Variants in PAK5 observed in about 807,000 individuals in gnomAD.
PAK5 encodes the protein serine/threonine-protein kinase PAK 5.
Under a neutral mutation model 65.9 loss-of-function variants are expected in PAK5, and 16 were observed. That is an observed-to-expected ratio of 0.24 (90% CI 0.16 to 0.37). The LOEUF is 0.37. PAK5 is among the 10% of genes least tolerant of loss of function. The pLI is 1.00. For missense variants in PAK5, 785 were observed against 903.9 expected, an observed-to-expected ratio of 0.87 and a Z score of 1.69; for synonymous variants, 371 against 354.9, an observed-to-expected ratio of 1.05 and a Z score of -0.51.
intron 3 of PAK5, among the ~76,000 whole-genome samples, chr20:9,638,819 G>A (rs1459735578): frequency 6.6e-6 from 1 of 152,098 alleles, no homozygotes; most frequent in Non-Finnish European, 1.5e-5. Flanking sequence ...AGTGTTGGTG[G>A]CAACGGCAGA....
chr20:9,769,370 T>C (rs2048808053), intron 1 of PAK5, among the ~76,000 whole-genome samples: 1 of 152,238 alleles, frequency 6.6e-6, no homozygotes, highest in Non-Finnish European at 1.5e-5. Flanking sequence ...GTTCTAATAG[T>C]TCCTCTACAT....
At chr20:9,761,090 G>T (rs979472906) in intron 1 of PAK5, among the ~76,000 whole-genome samples, 1 of 152,172 alleles carries the variant, frequency 6.6e-6, no homozygotes, top group East Asian at 1.9e-4. Flanking sequence ...AAATATGTTT[G>T]ACTCTAATAC....
At chr20:9,578,249 G>T (rs1246911398) in intron 4 of PAK5, among the ~76,000 whole-genome samples, 1 of 152,168 alleles carries the variant, frequency 6.6e-6, no homozygotes, top group Non-Finnish European at 1.5e-5. Context: ...AGTGTGCAGG[G>T]ATTGCTGGTG....
At chr20:9,558,722 C>T (rs1160094485) in intron 6 of PAK5, among the ~76,000 whole-genome samples, 1 of 152,164 alleles carries the variant, frequency 6.6e-6, no homozygotes, top group Non-Finnish European at 1.5e-5. Flanking sequence ...CAGGTCCCTT[C>T]TCTCAAAAGG....
chr20:9,678,621 G>A (rs1253980632), intron 2 of PAK5, among the ~76,000 whole-genome samples: 2 of 152,042 alleles, frequency 1.3e-5, no homozygotes, highest in Non-Finnish European at 2.9e-5. Flanking sequence ...ATAAAGAAAA[G>A]AGGTTTAATT....
At chr20:9,816,267 T>C (rs2049355532) in intron 1 of PAK5, among the ~76,000 whole-genome samples, 1 of 152,196 alleles carries the variant, frequency 6.6e-6, no homozygotes, top group Non-Finnish European at 1.5e-5. Flanking sequence ...GGAATTACAA[T>C]TGTACTAACT....
At chr20:9,564,768 G>T (rs937769715) in intron 5 of PAK5, among the ~76,000 whole-genome samples, 1 of 152,014 alleles carries the variant, frequency 6.6e-6, no homozygotes, top group African/African-American at 2.4e-5. Context: ...TGACAAATTG[G>T]AAACAGTATA....
intron 3 of PAK5, among the ~76,000 whole-genome samples, chr20:9,641,842 C>A (rs1360189936): frequency 1.3e-5 from 2 of 152,170 alleles, no homozygotes; most frequent in East Asian, 3.9e-4. Flanking sequence ...GTGCTAAGTT[C>A]CCCATTGCCC....
At chr20:9,676,437 A>G (rs1384902330) in intron 2 of PAK5, among the ~76,000 whole-genome samples, 2 of 152,224 alleles carry the variant, frequency 1.3e-5, no homozygotes, top group South Asian at 2.1e-4. Flanking sequence ...ATAAACTACA[A>G]TTACAATTTC....
chr20:9,747,040 G>A (rs1282636754), intron 1 of PAK5, among the ~76,000 whole-genome samples: 1 of 152,164 alleles, frequency 6.6e-6, no homozygotes, highest in Non-Finnish European at 1.5e-5. Context: ...ATTACCATCA[G>A]AGAATACTAC....
chr20:9,662,494 C>T (rs562853289), intron 2 of PAK5, among the ~76,000 whole-genome samples: 2 of 152,240 alleles, frequency 1.3e-5, no homozygotes, highest in South Asian at 4.2e-4. Flanking sequence ...GTGACTTATC[C>T]TGGCCAATAG....
chr20:9,626,257 GAAAAAGAAA>G (rs2046842166), intron 3 of PAK5, among the ~76,000 whole-genome samples: 1 of 151,416 alleles, frequency 6.6e-6, no homozygotes, highest in South Asian at 2.1e-4. Context: ...AACAAAAACA[GAAAAAGAAA>G]AAAAAGAAAA....
chr20:9,640,947 T>C (rs376303144), intron 3 of PAK5, among the ~76,000 whole-genome samples: 2 of 152,258 alleles, frequency 1.3e-5, no homozygotes, highest in East Asian at 1.9e-4. Flanking sequence ...GAACAAAGCT[T>C]CCACAGTGTG....
chr20:9,569,466 A>G (rs1468643752), intron 4 of PAK5, among the ~76,000 whole-genome samples: 2 of 152,220 alleles, frequency 1.3e-5, no homozygotes, highest in Non-Finnish European at 2.9e-5. Flanking sequence ...GAGCAGAGGG[A>G]TCTTGCAAAA....
intron 1 of PAK5, among the ~76,000 whole-genome samples, chr20:9,807,110 C>T (rs1480256624): frequency 1.3e-5 from 2 of 152,116 alleles, no homozygotes; most frequent in African/African-American, 4.8e-5. Flanking sequence ...TCATGTTGGG[C>T]CTACTCAGTT....
intron 2 of PAK5, among the ~76,000 whole-genome samples, chr20:9,709,685 C>T (rs972564755): frequency 6.6e-6 from 1 of 152,036 alleles, no homozygotes; most frequent in Non-Finnish European, 1.5e-5. Flanking sequence ...ATTCCTACAC[C>T]ATACAAGTTT....
At chr20:9,815,047 A>G (rs1320140429) in intron 1 of PAK5, among the ~76,000 whole-genome samples, 1 of 152,262 alleles carries the variant, frequency 6.6e-6, no homozygotes, top group East Asian at 1.9e-4. Context: ...TCATGTGGCA[A>G]GAGGGGAAGC....
At chr20:9,703,342 A>G (rs2123467827) in intron 2 of PAK5, among the ~76,000 whole-genome samples, 1 of 152,282 alleles carries the variant, frequency 6.6e-6, no homozygotes, top group East Asian at 1.9e-4. Context: ...ATATGCTAAG[A>G]ATGACCCTGT....
At chr20:9,572,836 T>G (rs1160143254) in intron 4 of PAK5, among the ~76,000 whole-genome samples, 1 of 152,202 alleles carries the variant, frequency 6.6e-6, no homozygotes, top group African/African-American at 2.4e-5. Context: ...AGTGCTGTGA[T>G]TTTGTGAACG....
Sources: gnomAD v4.1 joint callset for allele counts (sites outside exome capture counted in the v4.1 genomes callset) on GRCh38, gnomAD v4.1.1 for gene constraint, MANE v1.5 for transcripts, NCBI Gene and HGNC (gene_info 2026-07-23, HGNC 2026-07-21) for gene names.